DPH5: variants seen among roughly 807,000 people sequenced by gnomAD.
The protein encoded by DPH5 is diphthine methyl ester synthase.
Under a neutral mutation model 31.6 loss-of-function variants are expected in DPH5, and 31 were observed. The ratio of observed to expected loss-of-function variants is 0.98; its 90% confidence interval spans 0.74 to 1.32. The LOEUF (loss-of-function observed/expected upper bound fraction) is 1.32, where lower values mean the gene tolerates loss of function less well. DPH5 is among the 40% of genes most tolerant of loss of function. The pLI is 0.00. For synonymous variants in DPH5, 120 were observed against 115.0 expected, an observed-to-expected ratio of 1.04 and a Z score of -0.28; for missense variants, 309 against 335.7, an observed-to-expected ratio of 0.92 and a Z score of 0.62.
chr1:101,012,293 C>G (rs1428182719), intron 4 of DPH5, among the ~76,000 whole-genome samples: 1 of 152,106 alleles, frequency 6.6e-6, no homozygotes, highest in African/African-American at 2.4e-5. Context: ...TTGTTTTAGG[C>G]TTTTAGCAGC....
intron 2 of DPH5, 73 bp from the exon 3 acceptor site, chr1:101,021,838 A>ACC (rs1660476014): frequency 7.5e-7 from 1 of 1,333,442 alleles, no homozygotes; most frequent in African/African-American, 1.5e-5. Flanking sequence ...ACACACACAC[A>ACC]CACACACACA....
intron 5 of DPH5, among the ~76,000 whole-genome samples, chr1:100,996,744 C>A (rs1367777407): frequency 5.3e-5 from 8 of 152,220 alleles, no homozygotes. Flanking sequence ...TTGGAAAGAT[C>A]TACACAATTA....
intron 6 of DPH5, among the ~76,000 whole-genome samples, chr1:100,993,582 ATAT>A (rs1658028762): frequency 3.0e-5 from 3 of 98,538 alleles, no homozygotes; most frequent in African/African-American, 9.4e-5. Flanking sequence ...ATATATATAT[ATAT>A]ATATATATAT....
intron 4 of DPH5, among the ~76,000 whole-genome samples, chr1:101,006,007 G>A (rs535610693): frequency 4.0e-5 from 6 of 150,372 alleles, no homozygotes; most frequent in South Asian, 2.1e-4. Flanking sequence ...GATTTCCCCC[G>A]TTTACTCTGC....
Position 101,025,422 on chromosome 1 carries a change from C to G in DPH5, c.22G>C (p.Gly8Arg). 1 of 1,614,112 alleles carries G rather than the reference C, an allele frequency of 6.2e-7. No individual in the cohort carries two copies. The highest frequency in any genetic ancestry group is 8.5e-7 in the Non-Finnish European group (1 of 1,180,026). Residue 8 changes from glycine to arginine, a missense_variant, in exon 2 of 8, where the codon GGC becomes CGC. Physicochemically the swap from Gly to Arg is moderately radical, Grantham distance 125. Transcript: ENST00000370109. MLYLIGLGLGDAKDITVK... is the reference protein window; with the variant it reads MLYLIGLRLGDAKDITVK... ...GTGATGTCCTTGGCATCTCCCAGGC[C>G]CAACCCGATGAGATAAAGCATTTCA...
intron 2 of DPH5, chr1:101,025,022 T>G (rs980738531): frequency 2.6e-5 from 8 of 312,996 alleles, no homozygotes; most frequent in African/African-American, 1.7e-4. Flanking sequence ...CCTCATGAAA[T>G]AAGGGGTTTT....
chr1:101,001,013 C>T (rs979726345), intron 5 of DPH5, among the ~76,000 whole-genome samples: 5 of 152,202 alleles, frequency 3.3e-5, no homozygotes, highest in Non-Finnish European at 7.3e-5. Context: ...TCAACTTCAT[C>T]TGTAAAACAG....
At chr1:100,997,506 C>T (rs544309271) in intron 5 of DPH5, among the ~76,000 whole-genome samples, 3 of 150,472 alleles carry the variant, frequency 2.0e-5, no homozygotes, top group African/African-American at 4.9e-5. Flanking sequence ...GCTGAGATTA[C>T]AGGCACCTGC....
Sources: allele counts gnomAD v4.1 joint callset (sites outside exome capture counted in the v4.1 genomes callset), GRCh38; gene constraint gnomAD v4.1.1; transcripts MANE v1.5; gene names NCBI Gene and HGNC (gene_info 2026-07-23, HGNC 2026-07-21).